Variants in KCNIP1 observed in about 807,000 individuals in gnomAD.
KCNIP1 encodes potassium voltage-gated channel interacting protein 1, also known as A-type potassium channel modulatory protein KCNIP1.
A neutral mutation model predicts 33.0 loss-of-function variants in KCNIP1; 18 were observed. That is an observed-to-expected ratio of 0.55 (90% CI 0.38 to 0.81). The LOEUF is 0.81. Among genes scored for constraint, KCNIP1 ranks in the 30% least tolerant of loss-of-function variants. The pLI is 0.00. For synonymous variants in KCNIP1, 93 were observed against 98.3 expected (o/e 0.95, Z 0.32); for missense variants, 238 against 271.6 (o/e 0.88, Z 0.87).
rs1453654738 is a variant in KCNIP1 at position 170,492,622 on chromosome 5, C to A, written c.88+138658C>A. Among the ~76,000 whole-genome samples the A allele has an allele frequency of 2.0e-5, 3 of 152,302 alleles. No homozygotes were observed. In the East Asian group the frequency reaches 5.8e-4, roughly 29 times the overall value. On this transcript the variant is annotated intron_variant, in intron 1 of 7. Coordinates refer to the KCNIP1 transcript ENST00000377360. Reference sequence around the variant, plus strand: ...GGTCTTTTTGGTGACCAGCCCAATCCTGAAGCTATCAAAGGCTCACCAAGA... The same window carrying A: ...GGTCTTTTTGGTGACCAGCCCAATCATGAAGCTATCAAAGGCTCACCAAGA...
At chr5:170,644,854 G>A (rs1760724526) in intron 1 of KCNIP1, among the ~76,000 whole-genome samples, 1 of 152,246 alleles carries the variant, frequency 6.6e-6, no homozygotes, top group African/African-American at 2.4e-5. Context: ...CAGGCCTCCA[G>A]TGGGGACAGA....
intron 1 of KCNIP1, among the ~76,000 whole-genome samples, chr5:170,644,637 T>A (rs1210503185): frequency 5.3e-5 from 8 of 152,294 alleles, no homozygotes; most frequent in African/African-American, 1.9e-4. Flanking sequence ...TCAAAATGAC[T>A]GAGGTTTCCA....
At chr5:170,656,166 A>G (rs1761257026) in intron 1 of KCNIP1, among the ~76,000 whole-genome samples, 1 of 152,202 alleles carries the variant, frequency 6.6e-6, no homozygotes, top group African/African-American at 2.4e-5. Context: ...TGTTCTAATA[A>G]TAGGCAAAGC....
At chr5:170,540,820 A>C (rs1434479306) in intron 1 of KCNIP1, among the ~76,000 whole-genome samples, 2 of 152,152 alleles carry the variant, frequency 1.3e-5, no homozygotes, top group Non-Finnish European at 2.9e-5. Context: ...GGCCGGTAGA[A>C]TAAGAACCTC....
At chr5:170,397,151 C>T (rs1024310319) in intron 1 of KCNIP1, among the ~76,000 whole-genome samples, 2 of 152,216 alleles carry the variant, frequency 1.3e-5, no homozygotes, top group Non-Finnish European at 2.9e-5. Flanking sequence ...GCATGTCCAA[C>T]ATCCCCTCCC....
intron 1 of KCNIP1, among the ~76,000 whole-genome samples, chr5:170,663,569 C>T: frequency 6.6e-6 from 1 of 152,216 alleles, no homozygotes; most frequent in Non-Finnish European, 1.5e-5. Context: ...ATCAAATGCC[C>T]CTAGCCTGAG....
intron 1 of KCNIP1, among the ~76,000 whole-genome samples, chr5:170,467,334 T>G (rs528543294): frequency 6.6e-6 from 1 of 152,220 alleles, no homozygotes; most frequent in African/African-American, 2.4e-5. Context: ...ATTAGATCTA[T>G]ATGAGAGAAA....
intron 4 of KCNIP1, among the ~76,000 whole-genome samples, chr5:170,722,425 C>G (rs550995905): frequency 6.6e-6 from 1 of 152,232 alleles, no homozygotes; most frequent in South Asian, 2.1e-4. Flanking sequence ...GATAGACAGA[C>G]CACTGCAGCC....
chr5:170,431,317 T>A lies in KCNIP1; in HGVS notation c.88+77353T>A, dbSNP rs184539078. ...CACGAATCCTGCCCTCCATGGCTGA[T>A]GGTGGAAGAAATGTCCATTCATTCG... is the stretch of plus-strand genomic sequence containing the variant. On this transcript the variant is annotated intron_variant, in intron 1 of 7. Transcript: ENST00000377360. Among the ~76,000 whole-genome samples, 3 of 152,318 alleles carry A rather than the reference T, an allele frequency of 2.0e-5. No individual in the cohort carries two copies. In the East Asian group the frequency reaches 5.8e-4, roughly 29 times the overall value.
chr5:170,544,179 G>A (rs60119575), intron 1 of KCNIP1, among the ~76,000 whole-genome samples: 1 of 152,186 alleles, frequency 6.6e-6, no homozygotes, highest in Admixed American at 6.5e-5. Flanking sequence ...TTGGGAGGCC[G>A]AGGCCAGCGA....
chr5:170,410,947 T>G (rs1482036182), intron 1 of KCNIP1, among the ~76,000 whole-genome samples: 1 of 152,218 alleles, frequency 6.6e-6, no homozygotes, highest in Admixed American at 6.5e-5. Flanking sequence ...AATTCAGTGC[T>G]ATTCTGAGAT....
chr5:170,557,086 C>T (rs552311176), intron 1 of KCNIP1, among the ~76,000 whole-genome samples: 1 of 152,306 alleles, frequency 6.6e-6, no homozygotes, highest in Non-Finnish European at 1.5e-5. Context: ...TAAGCCTTCT[C>T]CCATGCTCCA....
At chr5:170,536,741 C>T (rs1288961259) in intron 1 of KCNIP1, among the ~76,000 whole-genome samples, 2 of 152,140 alleles carry the variant, frequency 1.3e-5, no homozygotes, top group Non-Finnish European at 2.9e-5. Context: ...CTGCAGTGCA[C>T]CGGAGTTAAA....
At chr5:170,544,370 A>G (rs1374719310) in intron 1 of KCNIP1, among the ~76,000 whole-genome samples, 1 of 152,188 alleles carries the variant, frequency 6.6e-6, no homozygotes, top group Non-Finnish European at 1.5e-5. Flanking sequence ...ATGTACTATT[A>G]CATGTTAACA....
At chr5:170,575,125 C>T (rs1757554496) in intron 1 of KCNIP1, among the ~76,000 whole-genome samples, 1 of 152,052 alleles carries the variant, frequency 6.6e-6, no homozygotes, top group African/African-American at 2.4e-5. Context: ...AGCAGCAATC[C>T]CATTTCAACC....
chr5:170,634,569 C>T (rs189021947), intron 1 of KCNIP1, among the ~76,000 whole-genome samples: 93 of 152,202 alleles, frequency 6.1e-4, no homozygotes, highest in Middle Eastern at 6.8e-3. Context: ...GTCATTGGCA[C>T]GGAAATCCAC....
intron 1 of KCNIP1, among the ~76,000 whole-genome samples, chr5:170,507,123 C>A (rs1196974624): frequency 6.6e-6 from 1 of 152,206 alleles, no homozygotes; most frequent in African/African-American, 2.4e-5. Flanking sequence ...GATGCTCTCA[C>A]CAGAGCTGCT....
chr5:170,435,565 C>T (rs543667360), intron 1 of KCNIP1, among the ~76,000 whole-genome samples: 2 of 152,262 alleles, frequency 1.3e-5, no homozygotes, highest in African/African-American at 2.4e-5. Flanking sequence ...GCCATTCTCT[C>T]CCAGGAGGAG....
At chr5:170,545,960 T>G (rs1001239506) in intron 1 of KCNIP1, among the ~76,000 whole-genome samples, 1 of 152,254 alleles carries the variant, frequency 6.6e-6, no homozygotes, top group African/African-American at 2.4e-5. Flanking sequence ...CTGTGGAGGT[T>G]TCAGCTGATA....
Sources: allele counts gnomAD v4.1 joint callset (sites outside exome capture counted in the v4.1 genomes callset), GRCh38; gene constraint gnomAD v4.1.1; transcripts MANE v1.5; gene names NCBI Gene and HGNC (gene_info 2026-07-23, HGNC 2026-07-21).